Variants in BUB1B observed in about 807,000 individuals in gnomAD.
The protein encoded by BUB1B is BUB1 mitotic checkpoint serine/threonine kinase B, also known as mitotic checkpoint serine/threonine-protein kinase BUB1 beta.
BUB1B carries 86 observed loss-of-function variants against 137.7 expected under a neutral mutation model. That is an observed-to-expected ratio of 0.62 (90% CI 0.52 to 0.75). The LOEUF is 0.75. Ranked by LOEUF, BUB1B falls within the 30% of genes least tolerant of loss-of-function variation. The pLI is 0.00. For missense variants in BUB1B, 1,130 were observed against 1,236.9 expected (o/e 0.91, Z 1.30); for synonymous variants, 420 against 417.9 (o/e 1.00, Z -0.06).
chr15:40,180,170 C>T (rs1264902299), intron 5 of BUB1B, among the ~76,000 whole-genome samples: 4 of 150,704 alleles, frequency 2.7e-5, no homozygotes, highest in African/African-American at 9.8e-5. Context: ...AGTTTTTCTT[C>T]ATCTGAGAAT....
chr15:40,202,866 C>G (rs12899102), intron 14 of BUB1B, among the ~76,000 whole-genome samples, 172 bp downstream of exon 14: 1 of 152,012 alleles, frequency 6.6e-6, no homozygotes, highest in Non-Finnish European at 1.5e-5. Flanking sequence ...TGAGATACTA[C>G]TTTATATCCT....
intron 1 of BUB1B, among the ~76,000 whole-genome samples, chr15:40,164,444 T>A (rs2037071842): frequency 1.3e-5 from 2 of 152,036 alleles, no homozygotes; most frequent in Non-Finnish European, 2.9e-5. Flanking sequence ...CCCAGGGTGG[T>A]GTTGAACTCC....
chr15:40,190,509 G>T (rs780128160), intron 8 of BUB1B, among the ~76,000 whole-genome samples: 4 of 152,192 alleles, frequency 2.6e-5, no homozygotes, highest in Non-Finnish European at 4.4e-5. Context: ...CGTTACTATG[G>T]AGGATGAGGT....
chr15:40,166,874 G>A (rs2037104786), intron 2 of BUB1B, among the ~76,000 whole-genome samples: 2 of 152,084 alleles, frequency 1.3e-5, no homozygotes, highest in South Asian at 4.2e-4. Flanking sequence ...CATTTCCCTG[G>A]TGACTAATAA....
rs371101512 is a variant in BUB1B at position 40,185,399 on chromosome 15, G to A, written c.966+20G>A. On this transcript the variant is annotated intron_variant, in intron 7 of 22. Transcript: ENST00000287598. ...CACAGGGTAAGGACTCTTAGATCCA[G>A]TGCTTTGCTGACACAACAAAGACTT... The A allele has an allele frequency of 3.7e-6, 6 of 1,612,336 alleles. No homozygotes were observed. Among genetic ancestry groups the A allele is most frequent in the Admixed American group, 3.3e-5 (2 of 60,008 alleles).
intron 8 of BUB1B, among the ~76,000 whole-genome samples, chr15:40,190,252 A>G (rs950111349): frequency 6.6e-6 from 1 of 152,128 alleles, no homozygotes; most frequent in African/African-American, 2.4e-5. Context: ...ATTCATTCTT[A>G]CTGTAAATCT....
chr15:40,202,824 A>G (rs1566825688), intron 14 of BUB1B, 130 bp downstream of exon 14: 2 of 798,376 alleles, frequency 2.5e-6, no homozygotes, highest in Non-Finnish European at 4.3e-6. Context: ...CAGCATTACT[A>G]CTCAACAGGG....
At chr15:40,209,436 A>G (rs138167191) in intron 16 of BUB1B, among the ~76,000 whole-genome samples, 199 bp from the exon 17 acceptor site, 27 of 152,392 alleles carry the variant, frequency 1.8e-4, no homozygotes, top group African/African-American at 4.1e-4. Flanking sequence ...AGAAGTTGCC[A>G]TAAATTGTGA....
chr15:40,188,766 A>G (rs1012958704), intron 8 of BUB1B, among the ~76,000 whole-genome samples: 5 of 151,956 alleles, frequency 3.3e-5, no homozygotes, highest in Non-Finnish European at 7.4e-5. Context: ...TATTTTTAGT[A>G]GAGCCATGGT....
At chr15:40,217,360 T>A (rs1352924908) in intron 20 of BUB1B, 136 bp from the exon 21 acceptor site, 2 of 895,186 alleles carry the variant, frequency 2.2e-6, no homozygotes, top group Admixed American at 2.1e-5. Flanking sequence ...ACAGGTGCAT[T>A]TTCAAAATTA....
chr15:40,202,596 G>A lies in BUB1B; in HGVS notation c.1636G>A (p.Ala546Thr), dbSNP rs774220723. The A allele has an allele frequency of 6.2e-7, 1 of 1,613,930 alleles. No individual in the cohort carries two copies. Among genetic ancestry groups the A allele is most frequent in the Non-Finnish European group, 8.5e-7 (1 of 1,179,924 alleles). ...LSEKKNKSPPADPPRVLAQRR... is the reference protein window; with the variant it reads ...LSEKKNKSPPTDPPRVLAQRR... ...AGGTATGTCTTTTTCCAGTCCTCCT[G>A]CAGATCCCCCACGAGTTTTAGCTCA... Residue 546 changes from alanine (A) to threonine (T), a missense_variant, in exon 14 of 23, where the codon GCA becomes ACA. Physicochemically the swap from Ala to Thr is moderately conservative, Grantham distance 58. Transcript: ENST00000287598.
intron 8 of BUB1B, among the ~76,000 whole-genome samples, chr15:40,193,452 TATATGCTTATTACCAC>T (rs2037460803): frequency 1.4e-5 from 2 of 140,636 alleles, no homozygotes; most frequent in African/African-American, 2.5e-5. Context: ...TTTTTTTTTT[TATATGCTTATTACCAC>T]TTTTTTTTTT....
At chr15:40,195,615 C>G (rs1264803789) in intron 8 of BUB1B, among the ~76,000 whole-genome samples, 1 of 152,154 alleles carries the variant, frequency 6.6e-6, no homozygotes, top group African/African-American at 2.4e-5. Flanking sequence ...TAAACGTGTT[C>G]CCGTTTCACC....
At chr15:40,172,461 T>A (rs780714967) in intron 4 of BUB1B, among the ~76,000 whole-genome samples, 5 of 152,184 alleles carry the variant, frequency 3.3e-5, no homozygotes, top group Non-Finnish European at 4.4e-5. Flanking sequence ...CCATATGTAT[T>A]ATATCTTTTT....
chr15:40,164,469 TCTC>T (rs1028321964), intron 1 of BUB1B, among the ~76,000 whole-genome samples: 2 of 151,676 alleles, frequency 1.3e-5, no homozygotes, highest in Non-Finnish European at 2.9e-5. Context: ...CTCAAGCACT[TCTC>T]CTGACTCAGC....
rs576224570 is a variant in BUB1B at position 40,186,701 on chromosome 15, T to A, written c.1058+1059T>A. Among the ~76,000 whole-genome samples the A allele has an allele frequency of 9.6e-4, 146 of 151,594 alleles. 1 individual carries two copies. The highest frequency in any genetic ancestry group is 8.1e-3 in the South Asian group (39 of 4,786). ...ACCTAGTGATCCGCCCGCCTTGGCC[T>A]CCCAAAGTGCTGGAATTACAGGCGT... On this transcript the variant is annotated intron_variant, in intron 8 of 22. Coordinates refer to ENST00000287598, the MANE Select transcript of BUB1B (RefSeq NM_001211.6).
At chr15:40,201,009 A>C (rs771409915) in intron 12 of BUB1B, 29 bp downstream of exon 12, 1 of 1,601,004 alleles carries the variant, frequency 6.2e-7, no homozygotes. Flanking sequence ...CCTTGAGAAG[A>C]ACTTGCTGAT....
intron 2 of BUB1B, 131 bp downstream of exon 2, chr15:40,165,327 A>G (rs1595508083): frequency 2.5e-6 from 3 of 1,198,870 alleles, no homozygotes; most frequent in Non-Finnish European, 1.2e-6. Flanking sequence ...TCTGTTCTCT[A>G]CCTGCTTTCG....
intron 14 of BUB1B, among the ~76,000 whole-genome samples, chr15:40,204,836 A>G (rs898495244): frequency 1.3e-5 from 2 of 150,794 alleles, no homozygotes; most frequent in South Asian, 2.1e-4. Context: ...GGGTTTTGCC[A>G]TGTTGCCCAA....
Sources: gnomAD v4.1 joint callset for allele counts (sites outside exome capture counted in the v4.1 genomes callset) on GRCh38, gnomAD v4.1.1 for gene constraint, MANE v1.5 for transcripts, NCBI Gene and HGNC (gene_info 2026-07-23, HGNC 2026-07-21) for gene names.